CDH23: variants seen among roughly 807,000 people sequenced by gnomAD.
The protein encoded by CDH23 is cadherin related 23.
Under a neutral mutation model 317.1 loss-of-function variants are expected in CDH23, and 189 were observed. The ratio of observed to expected loss-of-function variants is 0.60; its 90% confidence interval spans 0.53 to 0.67. The LOEUF is 0.67. Among genes scored for constraint, CDH23 ranks in the 30% least tolerant of loss-of-function variants. The pLI is 0.00. For synonymous variants in CDH23, 1,839 were observed against 1,876.8 expected (o/e 0.98, Z 0.52); for missense variants, 4,401 against 4,592.4 (o/e 0.96, Z 1.20).
intron 47 of CDH23, among the ~76,000 whole-genome samples, chr10:71,792,026 A>G (rs779700761): frequency 3.3e-5 from 5 of 152,216 alleles, no homozygotes; most frequent in Non-Finnish European, 5.9e-5. Flanking sequence ...ATAATAAGCC[A>G]GATTTGGCTT....
chr10:71,803,272 A>G lies in CDH23; in HGVS notation c.7724A>G (p.Glu2575Gly). Residue 2575 changes from glutamate to glycine, a missense_variant, in exon 55 of 70, where the codon GAG becomes GGG. By Grantham distance (98) the Glu-to-Gly change is moderately conservative. Coordinates refer to ENST00000224721, the MANE Select transcript of CDH23 (RefSeq NM_022124.6). ...VTTQRPLQSY[E>G]KFSLTVVATD... ...ACACAGCGGCCACTGCAGTCCTACG[A>G]GAAGTTCAGTCTGACCGTGGTGGCC... The G allele has an allele frequency of 6.3e-7, 1 of 1,593,080 alleles. No homozygotes were observed. Among genetic ancestry groups the G allele is most frequent in the Non-Finnish European group, 8.6e-7 (1 of 1,169,348 alleles).
intron 38 of CDH23, among the ~76,000 whole-genome samples, chr10:71,776,723 C>G (rs1476519911): frequency 1.3e-5 from 2 of 152,108 alleles, no homozygotes; most frequent in African/African-American, 2.4e-5. Context: ...ACCCCTGTCC[C>G]CAAGCAGGAG....
At chr10:71,737,784 G>A (rs1029872372) in intron 34 of CDH23, 16 of 468,502 alleles carry the variant, frequency 3.4e-5, no homozygotes, top group Admixed American at 2.3e-4. Context: ...CCTCACCCGC[G>A]GCAGGCCTTC....
intron 18 of CDH23, among the ~76,000 whole-genome samples, chr10:71,685,866 G>A (rs1864853972): frequency 6.6e-6 from 1 of 152,182 alleles, no homozygotes; most frequent in Admixed American, 6.5e-5. Flanking sequence ...TTAAGTAGCT[G>A]TCACTCGGCT....
chr10:71,794,466 A>G (rs1414147670), intron 48 of CDH23: 1 of 152,242 alleles, frequency 6.6e-6, no homozygotes, highest in Non-Finnish European at 1.5e-5. Context: ...CAATGTATGT[A>G]GTTTATTGTA....
At chr10:71,805,690 T>C (rs1487678577) in intron 55 of CDH23, 116 bp from the exon 56 acceptor site, 3 of 1,042,778 alleles carry the variant, frequency 2.9e-6, no homozygotes, top group African/African-American at 1.6e-5. Flanking sequence ...TGGCGGGTGC[T>C]GTAAGCTGTT....
At chr10:71,653,191 G>C (rs1232912518) in intron 14 of CDH23, among the ~76,000 whole-genome samples, 2 of 152,150 alleles carry the variant, frequency 1.3e-5, no homozygotes, top group Non-Finnish European at 2.9e-5. Flanking sequence ...CTGCATCAAT[G>C]TCAGCCCCAT....
chr10:71,798,466 A>T lies in CDH23; in HGVS notation c.6942A>T (p.Thr2314=). 6.2e-7 allele frequency: 1 copy of T among 1,613,822 alleles called. No individual in the cohort carries two copies. Among genetic ancestry groups the T allele is most frequent in the Non-Finnish European group, 8.5e-7 (1 of 1,179,826 alleles). The change falls in exon 50 of 70, where the codon ACA becomes ACT. Residue 2314 remains threonine (T), a synonymous_variant. Transcript: ENST00000224721. The part of the protein sequence containing the change: ...RILEGATPGT[T]LIAVAAVDPD... ...TGGAGGGGGCCACCCCTGGGACCACACTCATTGCTGTGGCAGCCGTGGACC... is the reference window on the plus strand; with the variant it reads ...TGGAGGGGGCCACCCCTGGGACCACTCTCATTGCTGTGGCAGCCGTGGACC...
At chr10:71,528,143 T>C (rs1393764786) in intron 6 of CDH23, among the ~76,000 whole-genome samples, 1 of 152,178 alleles carries the variant, frequency 6.6e-6, no homozygotes, top group Non-Finnish European at 1.5e-5. Context: ...GGCTGAATAA[T>C]GCCATCATGC....
Position 71,659,935 on chromosome 10 carries a change from C to A in CDH23, c.1449+13318C>A, listed in dbSNP as rs960912315. Among the ~76,000 whole-genome samples, 21 of 136,132 alleles carry A rather than the reference C, an allele frequency of 1.5e-4. No homozygotes were observed. The East Asian group carries it at 3.8e-3, about 25-fold the overall frequency. 89.3% of individuals were successfully genotyped at this position (136,132 alleles called of 152,430 possible). ...CAGGTTTACCCTGACTCAGCTGTTT[C>A]TTTTCTTTTCTTTTCTTTCTTTCCG... is the stretch of plus-strand genomic sequence containing the variant. On this transcript the variant is annotated intron_variant, in intron 14 of 69. Transcript: ENST00000224721.
intron 9 of CDH23, among the ~76,000 whole-genome samples, chr10:71,612,030 A>C (rs1860926818): frequency 6.6e-6 from 1 of 152,204 alleles, no homozygotes; most frequent in Non-Finnish European, 1.5e-5. Context: ...GCCTAGCAGC[A>C]TCCCAGAGAG....
chr10:71,790,185 C>G, intron 45 of CDH23, 103 bp from the exon 46 acceptor site: 1 of 1,480,526 alleles, frequency 6.8e-7, no homozygotes. Flanking sequence ...ACCTCCCTCC[C>G]CTCTCATCCA....
chr10:71,600,304 A>G (rs529180014), intron 9 of CDH23, among the ~76,000 whole-genome samples: 1 of 151,496 alleles, frequency 6.6e-6, no homozygotes, highest in African/African-American at 2.4e-5. Flanking sequence ...ACCCGGCCAC[A>G]CCTTCAATTT....
intron 9 of CDH23, among the ~76,000 whole-genome samples, chr10:71,589,995 T>C (rs1477413258): frequency 1.3e-5 from 2 of 152,158 alleles, no homozygotes; most frequent in African/African-American, 4.8e-5. Context: ...GGCTGGTAGG[T>C]GATAGAACTG....
At chr10:71,511,659 C>A in intron 6 of CDH23, 1 of 259,690 alleles carries the variant, frequency 3.9e-6, no homozygotes, top group Non-Finnish European at 7.6e-6. Flanking sequence ...CCTAGCCCCG[C>A]GCTCTCCACC....
chr10:71,518,071 ATG>A (rs59841931), intron 6 of CDH23, among the ~76,000 whole-genome samples: 19 of 150,432 alleles, frequency 1.3e-4, no homozygotes, highest in East Asian at 2.0e-4. Flanking sequence ...GTGTGTGTGT[ATG>A]TGTGTGTGTG....
chr10:71,624,736 A>G (rs1026582349), intron 11 of CDH23, among the ~76,000 whole-genome samples: 30 of 65,622 alleles, frequency 4.6e-4, no homozygotes, highest in African/African-American at 1.1e-3. Flanking sequence ...GACATTAGCT[A>G]TTATTATTAT....
At chr10:71,737,312 G>A (rs1398649033) in intron 34 of CDH23, among the ~76,000 whole-genome samples, 2 of 152,180 alleles carry the variant, frequency 1.3e-5, no homozygotes, top group Non-Finnish European at 2.9e-5. Flanking sequence ...CTCCCAACAG[G>A]TGTCATTCTG....
At position 71,712,804 on chromosome 10, in the gene CDH23, C is replaced by A; in HGVS notation, c.3360C>A (p.Ser1120Arg). The A allele has an allele frequency of 6.2e-7, 1 of 1,612,118 alleles. No individual in the cohort carries two copies. The highest frequency in any genetic ancestry group is 8.5e-7 in the Non-Finnish European group (1 of 1,179,368). The change falls in exon 28 of 70, where the codon AGC becomes AGA. Residue 1120 changes from serine to arginine, a missense_variant. By Grantham distance (110) the Ser-to-Arg change is moderately radical. Around this residue, in one of 3 missense-constraint regions of CDH23, gnomAD observed 3,068 missense variants for 3,203.3 expected, o/e 0.96. Coordinates refer to ENST00000224721, the MANE Select transcript of CDH23 (RefSeq NM_022124.6). ...SVPEDIPEGHSILQLKATDAD... is the reference protein window; with the variant it reads ...SVPEDIPEGHRILQLKATDAD... ...CTGAGGACATCCCTGAAGGCCACAG[C>A]ATCTTGCAGGCAGGTGGCCCGTGGC... is the stretch of plus-strand genomic sequence containing the variant.
Sources: gnomAD v4.1 joint callset for allele counts (sites outside exome capture counted in the v4.1 genomes callset) on GRCh38, gnomAD v4.1.1 for gene constraint, gnomAD v4.1.1 regional missense constraint, MANE v1.5 for transcripts, NCBI Gene and HGNC (gene_info 2026-07-23, HGNC 2026-07-21) for gene names.